The following TRAK1 variants were observed in gnomAD, a reference collection of about 807,000 sequenced individuals.
TRAK1 encodes trafficking kinesin-binding protein 1.
In TRAK1, 33 loss-of-function variants were observed where a neutral mutation model predicts 92.1. The ratio of observed to expected loss-of-function variants is 0.36; its 90% CI spans 0.27 to 0.48. The LOEUF (loss-of-function observed/expected upper bound fraction) is 0.48. TRAK1 is among the 20% of genes least tolerant of loss of function. The pLI is 0.99. For missense variants in TRAK1, 1,123 were observed against 1,257.9 expected, an observed-to-expected ratio of 0.89 and a Z score of 1.62; for synonymous variants, 521 against 517.3, an observed-to-expected ratio of 1.01 and a Z score of -0.10.
intron 10 of TRAK1, 125 bp downstream of exon 10, chr3:42,195,066 T>A: frequency 8.6e-7 from 1 of 1,167,930 alleles, no homozygotes; most frequent in Non-Finnish European, 1.2e-6. Context: ...AGTTCAGATC[T>A]GAGTCTGAAT....
chr3:42,188,188 G>T (rs1705174457), intron 5 of TRAK1, 43 bp downstream of exon 5: 1 of 1,580,380 alleles, frequency 6.3e-7, no homozygotes, highest in Middle Eastern at 1.7e-4. Flanking sequence ...CAGAGCACAG[G>T]CTGGCCGCTG....
At chr3:42,131,145 A>G (rs760218806) in intron 2 of TRAK1, among the ~76,000 whole-genome samples, 2 of 152,240 alleles carry the variant, frequency 1.3e-5, no homozygotes, top group African/African-American at 4.8e-5. Context: ...GACCCGGAGT[A>G]TCTGGCATGG....
chr3:42,219,389 A>G, intron 14 of TRAK1, 105 bp from the exon 15 acceptor site: 1 of 1,596,944 alleles, frequency 6.3e-7, no homozygotes, highest in Middle Eastern at 1.7e-4. Context: ...CCAGTTAACA[A>G]GGTAGCTCAT....
chr3:42,190,125 C>G (rs184277828), intron 6 of TRAK1, among the ~76,000 whole-genome samples: 10 of 152,234 alleles, frequency 6.6e-5, no homozygotes, highest in African/African-American at 2.2e-4. Flanking sequence ...CACCCACTGC[C>G]CCTCTCTAGA....
chr3:42,181,081 A>G (rs944639810), intron 3 of TRAK1, among the ~76,000 whole-genome samples: 5 of 152,148 alleles, frequency 3.3e-5, no homozygotes. Flanking sequence ...TCATTGCTCT[A>G]CTTGTTTCTC....
chr3:42,222,298 A>T (rs931779664), intron 15 of TRAK1, among the ~76,000 whole-genome samples: 1 of 152,066 alleles, frequency 6.6e-6, no homozygotes, highest in African/African-American at 2.4e-5. Flanking sequence ...GTTAGAATGG[A>T]TTTGGGCAAG....
rs975236467 is a variant in TRAK1 at position 42,184,788 on chromosome 3, A to T, written c.467A>T (p.His156Leu). 1 of 1,613,824 alleles carries T rather than the reference A, an allele frequency of 6.2e-7. No homozygotes were observed. Among genetic ancestry groups the T allele is most frequent in the Admixed American group, 1.7e-5 (1 of 60,020 alleles). ...GAGCTGCTGGAGGAGCAGGTGGAACACATCAGGGAGGAGGTAAGACATTGG... is the reference window on the plus strand; with the variant it reads ...GAGCTGCTGGAGGAGCAGGTGGAACTCATCAGGGAGGAGGTAAGACATTGG... Reference protein sequence around the residue: ...RNELLEEQVEHIREEVSQLRH... With the variant: ...RNELLEEQVELIREEVSQLRH... Residue 156 changes from histidine to leucine, a missense_variant, in exon 4 of 16, where the codon CAC becomes CTC. Coordinates refer to ENST00000327628, the MANE Select transcript of TRAK1 (RefSeq NM_001042646.3).
In TRAK1 at chr3:42,202,601, C is replaced by T. The variant is rs781587072; in HGVS notation, c.1593C>T (p.Gly531=). The part of the protein sequence containing the change: ...ERKLQELAEK[G]ELRSGSLTPT... ...AGCTCCAGGAGCTGGCGGAGAAGGGCGAGCTGCGCAGCGGCTCCCTCACAC... is the reference window on the plus strand; with the variant it reads ...AGCTCCAGGAGCTGGCGGAGAAGGGTGAGCTGCGCAGCGGCTCCCTCACAC... The change falls in exon 13 of 16, where the codon GGC becomes GGT. Residue 531 remains glycine, a synonymous_variant. Transcript: ENST00000327628. The surrounding 1 kb of genome is among the most constrained non-coding windows in gnomAD (Gnocchi z 6.1). 1.3e-5 allele frequency: 21 copies of T among 1,592,440 alleles called. No homozygotes were observed. The highest frequency in any genetic ancestry group is 5.1e-5 in the Admixed American group (3 of 59,282).
chr3:42,109,930 C>T (rs1387849800), intron 1 of TRAK1, among the ~76,000 whole-genome samples: 2 of 150,918 alleles, frequency 1.3e-5, no homozygotes, highest in Admixed American at 1.3e-4. Flanking sequence ...GGATGGGGAA[C>T]ATCACACACC....
At position 42,020,518 on chromosome 3, in the gene TRAK1, G is replaced by C. The variant is rs1701684344; in HGVS notation, c.-519+6401G>C. Among the ~76,000 whole-genome samples, 4 of 152,212 alleles carry C rather than the reference G, an allele frequency of 2.6e-5. No homozygotes were observed. The South Asian group carries it at 8.3e-4, about 32-fold the overall frequency. ...AGTGTGGGATGGTATTCCATTTTAT[G>C]GTTATATCATGATTTGTTCATACAT... On this transcript the variant is annotated intron_variant, in intron 1 of 16. Transcript: ENST00000487159.
intron 1 of TRAK1, among the ~76,000 whole-genome samples, chr3:42,070,828 CT>C (rs1377579197): frequency 6.6e-6 from 1 of 152,198 alleles, no homozygotes; most frequent in Non-Finnish European, 1.5e-5. Context: ...AATTTTAAAT[CT>C]GTAAGTGGTG....
intron 3 of TRAK1, among the ~76,000 whole-genome samples, chr3:42,181,130 C>T (rs1331099399): frequency 1.3e-5 from 2 of 152,182 alleles, no homozygotes; most frequent in Non-Finnish European, 2.9e-5. Context: ...GGTTTCTGGC[C>T]GTTTGTGTGC....
At chr3:42,054,700 T>G (rs900644963) in intron 1 of TRAK1, among the ~76,000 whole-genome samples, 24 of 152,236 alleles carry the variant, frequency 1.6e-4, no homozygotes, top group African/African-American at 5.8e-4. Flanking sequence ...TAGTAGAAAT[T>G]GTATGTATGG....
intron 2 of TRAK1, among the ~76,000 whole-genome samples, chr3:42,173,185 G>T (rs1202547402): frequency 6.6e-6 from 1 of 152,110 alleles, no homozygotes; most frequent in Non-Finnish European, 1.5e-5. Context: ...GTTTATGGTG[G>T]CTCCTTTATT....
At chr3:42,052,812 A>G (rs1703035650) in intron 1 of TRAK1, among the ~76,000 whole-genome samples, 2 of 152,126 alleles carry the variant, frequency 1.3e-5, no homozygotes, top group Non-Finnish European at 2.9e-5. Flanking sequence ...CCGTGACACC[A>G]CAGTGTTAAG....
At chr3:42,076,944 T>C (rs1256245158) in intron 1 of TRAK1, among the ~76,000 whole-genome samples, 1 of 152,210 alleles carries the variant, frequency 6.6e-6, no homozygotes, top group South Asian at 2.1e-4. Context: ...TGGTTGTAGA[T>C]GTGCAGCTTT....
chr3:42,115,844 A>G (rs1709092304), intron 1 of TRAK1, among the ~76,000 whole-genome samples: 1 of 152,194 alleles, frequency 6.6e-6, no homozygotes, highest in African/African-American at 2.4e-5. Context: ...GGTGTGAGCC[A>G]GGGTGGAGTC....
chr3:42,182,806 G>A (rs562979632), intron 3 of TRAK1, among the ~76,000 whole-genome samples: 3 of 152,346 alleles, frequency 2.0e-5, no homozygotes, highest in Non-Finnish European at 2.9e-5. Flanking sequence ...GTCTGCTATT[G>A]CATGGAATAA....
chr3:42,168,630 T>C (rs935520026), intron 2 of TRAK1, among the ~76,000 whole-genome samples: 2 of 152,208 alleles, frequency 1.3e-5, no homozygotes, highest in Admixed American at 6.5e-5. Context: ...TTACCTAGGC[T>C]GGAGTGCAGT....
Sources: allele counts gnomAD v4.1 joint callset (sites outside exome capture counted in the v4.1 genomes callset), GRCh38; gene constraint gnomAD v4.1.1; non-coding constraint Gnocchi (gnomAD v3.1); transcripts MANE v1.5; gene names NCBI Gene and HGNC (gene_info 2026-07-23, HGNC 2026-07-21).